IMMP2L: variants seen among roughly 807,000 people sequenced by gnomAD.
The protein encoded by IMMP2L is inner mitochondrial membrane peptidase subunit 2.
In IMMP2L, 18 loss-of-function variants were observed where a neutral mutation model predicts 19.3. The ratio of observed to expected loss-of-function variants is 0.93; its 90% CI spans 0.64 to 1.38. The LOEUF (loss-of-function observed/expected upper bound fraction) is 1.38, where lower values mean the gene tolerates loss of function less well. Ranked by LOEUF, IMMP2L falls within the 40% of genes most tolerant of loss-of-function variation. IMMP2L has a pLI of 0.00. For missense variants in IMMP2L, 233 were observed against 218.2 expected, an observed-to-expected ratio of 1.07 and a Z score of -0.43; for synonymous variants, 76 against 73.0, an observed-to-expected ratio of 1.04 and a Z score of -0.21.
chr7:110,822,095 A>G (rs1025074777), intron 5 of IMMP2L, among the ~76,000 whole-genome samples: 6 of 152,082 alleles, frequency 3.9e-5, no homozygotes, highest in Non-Finnish European at 7.4e-5. Flanking sequence ...GATTTAATAT[A>G]CCCAAATGAA....
intron 3 of IMMP2L, among the ~76,000 whole-genome samples, chr7:110,979,972 CA>C (rs1821094260): frequency 6.6e-6 from 1 of 152,012 alleles, no homozygotes. Context: ...ATCCATTAGA[CA>C]AAAAGTCATG....
chr7:110,950,858 A>ATGTG, intron 4 of IMMP2L, among the ~76,000 whole-genome samples: 1 of 136,296 alleles, frequency 7.3e-6, no homozygotes, highest in African/African-American at 2.9e-5. Flanking sequence ...ATATATATAT[A>ATGTG]TATATATATA....
At chr7:110,706,047 T>C (rs1794656151) in intron 5 of IMMP2L, among the ~76,000 whole-genome samples, 1 of 152,094 alleles carries the variant, frequency 6.6e-6, no homozygotes, top group Admixed American at 6.5e-5. Flanking sequence ...GTCTTTTTGG[T>C]AGAATGATTT....
intron 5 of IMMP2L, among the ~76,000 whole-genome samples, chr7:110,763,979 A>G (rs556514456): frequency 4.3e-4 from 65 of 152,272 alleles, no homozygotes; most frequent in African/African-American, 1.5e-3. Context: ...GCTCTTTGCT[A>G]AATTATTACA....
Position 111,504,667 on chromosome 7 carries a change from G to A in IMMP2L, c.135+16646C>T, listed in dbSNP as rs1021802369. ...GAACAGAGCCCTCAGAAATAATGCC[G>A]CATATCTACAACCATCTGATCTTTG... On this transcript the variant is annotated intron_variant, in intron 2 of 5. Coordinates refer to ENST00000405709, the MANE Select transcript of IMMP2L (RefSeq NM_032549.4). Among the ~76,000 whole-genome samples, 22 of 152,130 alleles carry A rather than the reference G, an allele frequency of 1.4e-4. 1 individual carries two copies. The highest frequency in any genetic ancestry group is 3.4e-4 in the African/African-American group (14 of 41,502).
At chr7:110,778,956 TCAGTGTTATAC>T (rs1207243285) in intron 5 of IMMP2L, among the ~76,000 whole-genome samples, 2 of 151,944 alleles carry the variant, frequency 1.3e-5, no homozygotes, top group Non-Finnish European at 2.9e-5. Flanking sequence ...GAAGTGGTGC[TCAGTGTTATAC>T]CATTTTGTCC....
chr7:111,252,332 A>T (rs1381583444), intron 3 of IMMP2L, among the ~76,000 whole-genome samples: 1 of 152,180 alleles, frequency 6.6e-6, no homozygotes, highest in Non-Finnish European at 1.5e-5. Flanking sequence ...TTAAGTGTGT[A>T]TTGGAGTAAT....
At chr7:111,503,860 T>G (rs1217934564) in intron 2 of IMMP2L, among the ~76,000 whole-genome samples, 1 of 152,056 alleles carries the variant, frequency 6.6e-6, no homozygotes, top group Non-Finnish European at 1.5e-5. Context: ...CCACAGCCAA[T>G]ATCATACTGA....
At chr7:110,933,316 G>A (rs1325659073) in intron 4 of IMMP2L, among the ~76,000 whole-genome samples, 2 of 152,090 alleles carry the variant, frequency 1.3e-5, no homozygotes, top group African/African-American at 4.8e-5. Flanking sequence ...ACATGATCTA[G>A]AACTACCCCA....
chr7:111,232,576 A>G (rs1469190702), intron 3 of IMMP2L, among the ~76,000 whole-genome samples: 1 of 151,966 alleles, frequency 6.6e-6, no homozygotes, highest in Non-Finnish European at 1.5e-5. Context: ...TGTTAGCCCA[A>G]GTTACATTAG....
chr7:111,251,058 A>T (rs1265076714), intron 3 of IMMP2L, among the ~76,000 whole-genome samples: 1 of 152,158 alleles, frequency 6.6e-6, no homozygotes, highest in Non-Finnish European at 1.5e-5. Flanking sequence ...ATTTACAGGA[A>T]ACAAACAACC....
At chr7:111,122,559 T>C (rs181497195) in intron 3 of IMMP2L, 20 of 542,712 alleles carry the variant, frequency 3.7e-5, no homozygotes, top group African/African-American at 2.5e-4. Context: ...ATTAAGGAAA[T>C]AGTAACCTTC....
At chr7:111,194,335 T>C (rs1425633305) in intron 3 of IMMP2L, among the ~76,000 whole-genome samples, 2 of 152,194 alleles carry the variant, frequency 1.3e-5, no homozygotes, top group African/African-American at 4.8e-5. Flanking sequence ...TAATATTCAA[T>C]CTACCTATGA....
At chr7:110,754,487 A>G (rs960288338) in intron 5 of IMMP2L, among the ~76,000 whole-genome samples, 2 of 152,018 alleles carry the variant, frequency 1.3e-5, no homozygotes, top group Non-Finnish European at 2.9e-5. Flanking sequence ...TTCTGGATTA[A>G]ATGTCAGTCC....
At chr7:110,890,049 G>C (rs779860080) in intron 4 of IMMP2L, among the ~76,000 whole-genome samples, 1 of 152,126 alleles carries the variant, frequency 6.6e-6, no homozygotes, top group Non-Finnish European at 1.5e-5. Context: ...GTCAGAATGT[G>C]TTCAGCCTCT....
At chr7:111,103,275 G>A (rs150945786) in intron 3 of IMMP2L, among the ~76,000 whole-genome samples, 267 of 151,416 alleles carry the variant, frequency 1.8e-3, no homozygotes, top group African/African-American at 5.0e-3. Flanking sequence ...TATCTATTCC[G>A]TTGCCAACAA....
intron 5 of IMMP2L, among the ~76,000 whole-genome samples, chr7:110,776,069 A>C (rs192837204): frequency 6.6e-6 from 1 of 152,176 alleles, no homozygotes; most frequent in African/African-American, 2.4e-5. Context: ...CCGTAATTTG[A>C]ATAAAATAAT....
At chr7:111,502,186 C>G (rs1300965237) in intron 2 of IMMP2L, among the ~76,000 whole-genome samples, 3 of 152,020 alleles carry the variant, frequency 2.0e-5, no homozygotes, top group African/African-American at 7.3e-5. Flanking sequence ...TCTGACAAAA[C>G]AGACTTTAAA....
At chr7:110,819,892 C>A (rs888663907) in intron 5 of IMMP2L, among the ~76,000 whole-genome samples, 4 of 152,004 alleles carry the variant, frequency 2.6e-5, no homozygotes, top group African/African-American at 9.7e-5. Flanking sequence ...ACTGACTATA[C>A]CTTTTTTCTT....
Sources: allele counts gnomAD v4.1 joint callset (sites outside exome capture counted in the v4.1 genomes callset), GRCh38; gene constraint gnomAD v4.1.1; transcripts MANE v1.5; gene names NCBI Gene and HGNC (gene_info 2026-07-23, HGNC 2026-07-21).